KRAS: variants seen among roughly 807,000 people sequenced by gnomAD.
KRAS encodes GTPase KRas.
A neutral mutation model predicts 21.0 loss-of-function variants in KRAS; 1 was observed. That is an observed-to-expected ratio of 0.05 (90% confidence interval 0.02 to 0.23). The LOEUF is 0.23. KRAS is among the 10% of genes least tolerant of loss of function. The probability of loss-of-function intolerance (pLI) is 1.00; values close to 1 mark genes in which losing one functional copy is unlikely to be tolerated. For synonymous variants in KRAS, 67 were observed against 72.5 expected, an observed-to-expected ratio of 0.92 and a Z score of 0.39; for missense variants, 107 against 221.8, an observed-to-expected ratio of 0.48 and a Z score of 3.29.
Position 25,245,391 on chromosome 12 carries a change from C to T in KRAS, c.-7G>A, listed in dbSNP as rs1342462437. The T allele has an allele frequency of 8.7e-6, 14 of 1,605,478 alleles. 1 individual carries two copies. In the South Asian group the frequency reaches 1.4e-4, roughly 17 times the overall value. The stretch of plus-strand genomic sequence containing the variant: ...CAAGTTTATATTCAGTCATTTTCAG[C>T]AGGCCTTATAATAAAAATAATGAAA... On this transcript the variant is annotated 5_prime_UTR_variant, in exon 2 of 5. Coordinates refer to ENST00000311936, the MANE Select transcript of KRAS (RefSeq NM_004985.5).
intron 2 of KRAS, 60 bp from the exon 3 acceptor site, chr12:25,227,472 G>T: frequency 6.7e-7 from 1 of 1,494,286 alleles, no homozygotes; most frequent in African/African-American, 1.4e-5. Context: ...CAAAAAAGGT[G>T]TTATATACAA....
chr12:25,209,101 A>AT lies in KRAS; in HGVS notation c.*693_*694insA. On this transcript the variant is annotated 3_prime_UTR_variant, in exon 5 of 5. Coordinates refer to ENST00000311936, the MANE Select transcript of KRAS (RefSeq NM_004985.5). ...TGCCTTAACAGGAAAAGCTATTAGG[A>AT]GTCTTTATAGTAATTTATCTAATGT... 2.1e-6 allele frequency: 1 copy of AT among 474,210 alleles called. No individual in the cohort carries two copies. The highest frequency in any genetic ancestry group is 3.7e-6 in the Non-Finnish European group (1 of 270,574). 29.4% of individuals were successfully genotyped at this position (474,210 alleles called of 1,614,324 possible). A position where few individuals can be genotyped will look rare whatever the true frequency, so the allele number is the denominator to read the frequency against.
chr12:25,227,472 G>A, intron 2 of KRAS, 60 bp from the exon 3 acceptor site: 1 of 1,494,290 alleles, frequency 6.7e-7, no homozygotes, highest in Non-Finnish European at 9.3e-7. Context: ...CAAAAAAGGT[G>A]TTATATACAA....
chr12:25,225,249 C>T (rs1951375347), intron 4 of KRAS: 1 of 147,090 alleles, frequency 6.8e-6, no homozygotes, highest in African/African-American at 2.5e-5. Flanking sequence ...AAAAGTACTA[C>T]CGAAATAGAA....
In KRAS at chr12:25,208,100, T is replaced by A. The variant is rs1951159239; in HGVS notation, c.*1695A>T. On this transcript the variant is annotated 3_prime_UTR_variant, in exon 5 of 5. Coordinates refer to ENST00000311936, the MANE Select transcript of KRAS (RefSeq NM_004985.5). The stretch of plus-strand genomic sequence containing the variant: ...GATGGTGTAACATAGGTTAAAAATT[T>A]ACAGATTGTGCTGAGCTTGACAAAT... The A allele has an allele frequency of 4.3e-6, 1 of 233,316 alleles. No homozygotes were observed. The highest frequency in any genetic ancestry group is 8.5e-6 in the Non-Finnish European group (1 of 117,980). The allele number at this position is 233,316 out of a possible 1,614,324, so 14.5% of individuals were successfully genotyped here.
chr12:25,234,765 T>C (rs1951522885), intron 2 of KRAS: 1 of 194,738 alleles, frequency 5.1e-6, no homozygotes, highest in Non-Finnish European at 1.1e-5. Flanking sequence ...TCCATTATAA[T>C]TAATAACTAA....
intron 2 of KRAS, among the ~76,000 whole-genome samples, chr12:25,228,476 T>C (rs1275650552): frequency 2.6e-5 from 4 of 151,964 alleles, no homozygotes; most frequent in Non-Finnish European, 4.4e-5. Flanking sequence ...CAGATGAACC[T>C]TGAAAACATT....
At chr12:25,229,512 A>T (rs1263569296) in intron 2 of KRAS, among the ~76,000 whole-genome samples, 1 of 152,214 alleles carries the variant, frequency 6.6e-6, no homozygotes, top group East Asian at 1.9e-4. Context: ...TATAAGATTA[A>T]GTAAAAGAAG....
intron 2 of KRAS, among the ~76,000 whole-genome samples, chr12:25,239,150 C>G (rs1951578598): frequency 6.6e-6 from 1 of 152,142 alleles, no homozygotes; most frequent in Non-Finnish European, 1.5e-5. Flanking sequence ...TTTATATGTT[C>G]ATGTTATTTA....
intron 2 of KRAS, among the ~76,000 whole-genome samples, chr12:25,237,956 T>C (rs1305626981): frequency 6.6e-6 from 1 of 152,164 alleles, no homozygotes; most frequent in Non-Finnish European, 1.5e-5. Context: ...ATAATGGAGC[T>C]GGACAAATCA....
chr12:25,245,584 G>A (rs1456685943), intron 1 of KRAS, among the ~76,000 whole-genome samples, 189 bp from the exon 2 acceptor site: 2 of 152,112 alleles, frequency 1.3e-5, no homozygotes, highest in East Asian at 1.9e-4. Context: ...GTAATGAACT[G>A]TACTTCATTT....
intron 2 of KRAS, among the ~76,000 whole-genome samples, chr12:25,229,959 A>C (rs139020721): frequency 2.0e-5 from 3 of 151,944 alleles, no homozygotes; most frequent in South Asian, 2.1e-4. Context: ...TTTTTAGTAG[A>C]GATGGGGTTT....
intron 2 of KRAS, among the ~76,000 whole-genome samples, chr12:25,240,989 C>T (rs1232202838): frequency 1.3e-5 from 2 of 152,164 alleles, no homozygotes; most frequent in Non-Finnish European, 2.9e-5. Flanking sequence ...TCCCCTGTAA[C>T]ACACCACCAA....
intron 2 of KRAS, among the ~76,000 whole-genome samples, chr12:25,244,032 C>T (rs945309988): frequency 6.6e-6 from 1 of 152,104 alleles, no homozygotes; most frequent in African/African-American, 2.4e-5. Flanking sequence ...AAATATGTGA[C>T]GTTTCCTTAT....
rs1302540178 is a variant in KRAS, at chr12:25,206,714, C to G, written c.*3081G>C. ...AGATCTGTAGTTTCACATAGCAATT[C>G]AGAAATCATAGTGATTTTTACATAG... On this transcript the variant is annotated 3_prime_UTR_variant, in exon 5 of 5. Transcript: ENST00000311936. 1 of 198,334 alleles carries G rather than the reference C, an allele frequency of 5.0e-6. No homozygotes were observed. Among genetic ancestry groups the G allele is most frequent in the East Asian group, 7.9e-5 (1 of 12,630 alleles). The allele number at this position is 198,334 out of a possible 1,614,324, so 12.3% of individuals were successfully genotyped here.
At chr12:25,227,602 TAGTC>T (rs1360643727) in intron 2 of KRAS, among the ~76,000 whole-genome samples, 190 bp from the exon 3 acceptor site, 1 of 151,984 alleles carries the variant, frequency 6.6e-6, no homozygotes. Context: ...ACATCATCAA[TAGTC>T]AGGAAAATAA....
chr12:25,250,068 G>A (rs144825935), intron 1 of KRAS, among the ~76,000 whole-genome samples: 2 of 152,258 alleles, frequency 1.3e-5, no homozygotes, highest in African/African-American at 4.8e-5. Context: ...CCATACATGG[G>A]GGAGGGGAGC....
intron 4 of KRAS, among the ~76,000 whole-genome samples, 160 bp from the exon 5 acceptor site, chr12:25,210,071 T>A (rs78500589): frequency 1.6e-4 from 25 of 152,318 alleles, no homozygotes; most frequent in East Asian, 1.3e-3. Flanking sequence ...TTAGAATTCT[T>A]AAATGTCATC....
chr12:25,226,479 G>GT (rs1295422080), intron 3 of KRAS, among the ~76,000 whole-genome samples: 1 of 152,046 alleles, frequency 6.6e-6, no homozygotes, highest in East Asian at 1.9e-4. Context: ...CTGAAATTTG[G>GT]TAACTCCTCT....
Sources: allele counts gnomAD v4.1 joint callset (sites outside exome capture counted in the v4.1 genomes callset), GRCh38; gene constraint gnomAD v4.1.1; transcripts MANE v1.5; gene names NCBI Gene and HGNC (gene_info 2026-07-23, HGNC 2026-07-21).